POC5: variants seen among roughly 807,000 people sequenced by gnomAD.
POC5 encodes the protein centrosomal protein POC5.
A neutral mutation model predicts 62.9 loss-of-function variants in POC5; 48 were observed. That is an observed-to-expected ratio of 0.76 (90% CI 0.61 to 0.97). POC5 has a LOEUF of 0.97. Ranked by LOEUF, POC5 falls within the 50% of genes least tolerant of loss-of-function variation. The pLI, the probability that POC5 is intolerant of heterozygous loss-of-function variation, is 0.00. For missense variants in POC5, 696 were observed against 679.5 expected (o/e 1.02, Z -0.27); for synonymous variants, 236 against 228.2 (o/e 1.03, Z -0.31).
At chr5:75,689,645 C>G (rs1195418702) in intron 8 of POC5, 19 of 985,270 alleles carry the variant, frequency 1.9e-5, no homozygotes, top group Non-Finnish European at 2.2e-5. Context: ...TAGGCCAAAC[C>G]TCAGGGGACT....
chr5:75,691,048 T>A lies in POC5; in HGVS notation c.796-486A>T, dbSNP rs561204151. ...ACCCTGCCATCATATATGGTGCCAA[T>A]CCAAATAAAAACTTATGCTATTTTT... On this transcript the variant is annotated intron_variant, in intron 7 of 11. Coordinates refer to ENST00000428202, the MANE Select transcript of POC5 (RefSeq NM_001099271.2). 2.6e-3 allele frequency among the ~76,000 whole-genome samples: 390 copies of A among 152,322 alleles called. 1 individual carries two copies. The highest frequency in any genetic ancestry group is 9.0e-3 in the African/African-American group (373 of 41,570).
chr5:75,685,008 C>T (rs1011486636), intron 10 of POC5, among the ~76,000 whole-genome samples, 199 bp downstream of exon 10: 20 of 151,988 alleles, frequency 1.3e-4, no homozygotes, highest in Admixed American at 4.6e-4. Context: ...GCTGGGACTA[C>T]AGGCGGCTGC....
chr5:75,709,744 G>C (rs987875038), intron 2 of POC5: 6 of 152,108 alleles, frequency 3.9e-5, no homozygotes, highest in African/African-American at 1.4e-4. Flanking sequence ...AATAAATTGG[G>C]GCCATGCACA....
chr5:75,674,989 T>C (rs906653854), intron 11 of POC5, among the ~76,000 whole-genome samples: 13 of 152,204 alleles, frequency 8.5e-5, no homozygotes, highest in African/African-American at 3.1e-4. Flanking sequence ...ACTGTTAGTA[T>C]GTGGATGTGA....
intron 9 of POC5, 143 bp downstream of exon 9, chr5:75,688,869 A>T: frequency 1.2e-6 from 1 of 823,980 alleles, no homozygotes; most frequent in Non-Finnish European, 1.7e-6. Context: ...AAGTCTGGAT[A>T]TGACACCATA....
chr5:75,695,762 G>T (rs1222841928), intron 5 of POC5, among the ~76,000 whole-genome samples: 3 of 152,180 alleles, frequency 2.0e-5, no homozygotes, highest in African/African-American at 7.2e-5. Context: ...CGTGAGCAAT[G>T]CAGAAGACGG....
chr5:75,716,855 C>T (rs1742608284), intron 1 of POC5, among the ~76,000 whole-genome samples: 1 of 152,124 alleles, frequency 6.6e-6, no homozygotes, highest in Admixed American at 6.5e-5. Flanking sequence ...AGGGTGATGT[C>T]GCCTGTGCCT....
chr5:75,676,694 T>C (rs935017809), intron 11 of POC5, among the ~76,000 whole-genome samples: 2 of 152,000 alleles, frequency 1.3e-5, no homozygotes, highest in Admixed American at 1.3e-4. Flanking sequence ...TGGTGGCGGG[T>C]GCCTGTAATC....
In POC5 at chr5:75,717,416, C is replaced by G. The variant is rs1432979384; in HGVS notation, c.-125G>C. The G allele has an allele frequency of 6.6e-6, 1 of 152,286 alleles. No homozygotes were observed. Among genetic ancestry groups the G allele is most frequent in the African/African-American group, 2.4e-5 (1 of 41,464 alleles). 9.4% of individuals were successfully genotyped at this position (152,286 alleles called of 1,614,324 possible). ...GCAAGCACAACCGCTACCTAGACGG[C>G]AACCTGACAGTTTCAAACTGCAGGG... On this transcript the variant is annotated 5_prime_UTR_variant, in exon 1 of 12. Coordinates refer to ENST00000428202, the MANE Select transcript of POC5 (RefSeq NM_001099271.2).
chr5:75,702,432 A>G (rs1032103193), intron 5 of POC5, among the ~76,000 whole-genome samples, 173 bp downstream of exon 5: 2 of 152,206 alleles, frequency 1.3e-5, no homozygotes, highest in African/African-American at 4.8e-5. Context: ...GGCTCCCGCT[A>G]TGATTCGTAA....
At chr5:75,683,385 C>T (rs1255023854) in intron 10 of POC5, among the ~76,000 whole-genome samples, 3 of 152,052 alleles carry the variant, frequency 2.0e-5, no homozygotes, top group Non-Finnish European at 4.4e-5. Context: ...AGGTGCCCAC[C>T]ACCATGCCCG....
At chr5:75,691,197 T>C (rs776362662) in intron 7 of POC5, among the ~76,000 whole-genome samples, 11 of 152,232 alleles carry the variant, frequency 7.2e-5, no homozygotes, top group Non-Finnish European at 1.5e-4. Context: ...AAAATAAATA[T>C]GTATTCTCAT....
At chr5:75,716,571 G>A (rs982345693) in intron 1 of POC5, among the ~76,000 whole-genome samples, 4 of 152,162 alleles carry the variant, frequency 2.6e-5, no homozygotes, top group Non-Finnish European at 4.4e-5. Flanking sequence ...TAGAACAGTA[G>A]CATTTTCCTT....
chr5:75,699,165 C>T (rs1202655663), intron 5 of POC5, among the ~76,000 whole-genome samples: 1 of 151,916 alleles, frequency 6.6e-6, no homozygotes, highest in Admixed American at 6.6e-5. Context: ...ACCATTCCTT[C>T]TGAAACTATT....
At chr5:75,677,443 T>A (rs960644317) in intron 11 of POC5, 1 of 159,136 alleles carries the variant, frequency 6.3e-6, no homozygotes, top group Non-Finnish European at 1.4e-5. Flanking sequence ...AATTTTTGTC[T>A]CTTTTTAAAC....
In POC5 at chr5:75,689,160, A is replaced by C; in HGVS notation, c.981T>G (p.Ser327=). 1 of 1,537,802 alleles carries C rather than the reference A, an allele frequency of 6.5e-7. No individual in the cohort carries two copies. Among genetic ancestry groups the C allele is most frequent in the Non-Finnish European group, 8.8e-7 (1 of 1,141,824 alleles). Residue 327 remains serine, a synonymous_variant, in exon 9 of 12, where the codon TCT becomes TCG. Transcript: ENST00000428202. ...CAGCTTTTGCATTTTCCAAAGCTCC[A>C]GATAACTAAAATAAGAATGTTTAAA... is the stretch of plus-strand genomic sequence containing the variant. ...NDYEAKVAML[S]GALENAKAEI...
In POC5 at chr5:75,677,829, C is replaced by G; in HGVS notation, c.1529G>C (p.Gly510Ala). 1 of 1,612,442 alleles carries G rather than the reference C, an allele frequency of 6.2e-7. No homozygotes were observed. Among genetic ancestry groups the G allele is most frequent in the Non-Finnish European group, 8.5e-7 (1 of 1,179,212 alleles). The change falls in exon 11 of 12, where the codon GGA becomes GCA. Residue 510 changes from glycine (G) to alanine (A), a missense_variant. Coordinates refer to ENST00000428202, the MANE Select transcript of POC5 (RefSeq NM_001099271.2). ...AACTGAGCTCATGGGAGGAGAAACT[C>G]CCATTATAGCTAAACTGCTGCTAAT... ...NRISSSLAIM[G>A]VSPPMSSVVV...
In POC5 at chr5:75,674,511, G is replaced by GC. The variant is rs1364927288; in HGVS notation, c.1651dup (p.Ala551GlyfsTer25). 2 of 1,613,844 alleles carry GC rather than the reference G, an allele frequency of 1.2e-6. No homozygotes were observed. The highest frequency in any genetic ancestry group is 2.7e-5 in the African/African-American group (2 of 74,938). On this transcript the variant is annotated frameshift_variant, in exon 12 of 12. Coordinates refer to ENST00000428202, the MANE Select transcript of POC5 (RefSeq NM_001099271.2). LOFTEE classifies it high-confidence loss of function. ...TGATCTGGTTCCAAGTGATCTGGAA[G>GC]CTGAGGTACTACTTTCAGGATGAAT...
chr5:75,693,173 ATTATATATAACT>A (rs1209710198), intron 6 of POC5, among the ~76,000 whole-genome samples: 1 of 144,024 alleles, frequency 6.9e-6, no homozygotes, highest in African/African-American at 2.5e-5. Context: ...TATTAATAAC[ATTATATATAACT>A]AATGTTATTA....
Sources: allele counts gnomAD v4.1 joint callset (sites outside exome capture counted in the v4.1 genomes callset), GRCh38; gene constraint gnomAD v4.1.1; transcripts MANE v1.5; gene names NCBI Gene and HGNC (gene_info 2026-07-23, HGNC 2026-07-21).